The following ERH variants were observed in gnomAD, a reference collection of about 807,000 sequenced individuals.
The protein encoded by ERH is enhancer of rudimentary homolog.
A neutral mutation model predicts 16.8 loss-of-function variants in ERH; 1 was observed. That is an observed-to-expected ratio of 0.06 (90% CI 0.02 to 0.28). The LOEUF is 0.28. Ranked by LOEUF, ERH falls within the 10% of genes least tolerant of loss-of-function variation. The probability of loss-of-function intolerance (pLI) is 1.00; values close to 1 mark genes in which losing one functional copy is unlikely to be tolerated. For missense variants in ERH, 42 were observed against 127.5 expected, an observed-to-expected ratio of 0.33 and a Z score of 3.23; for synonymous variants, 43 against 43.6, an observed-to-expected ratio of 0.99 and a Z score of 0.05.
At chr14:69,383,002 C>T (rs2045872152) in intron 3 of ERH, among the ~76,000 whole-genome samples, 2 of 152,156 alleles carry the variant, frequency 1.3e-5, no homozygotes. Flanking sequence ...GCAGTGAAAT[C>T]AGAAATGTCT....
intron 2 of ERH, among the ~76,000 whole-genome samples, chr14:69,394,623 T>C (rs76175840): frequency 4.2e-5 from 5 of 119,140 alleles, no homozygotes; most frequent in African/African-American, 1.5e-4. Flanking sequence ...AACAAACAAA[T>C]AAATAAAATG....
chr14:69,386,936 A>G, intron 3 of ERH, 27 bp downstream of exon 3: 1 of 1,609,890 alleles, frequency 6.2e-7, no homozygotes, highest in Non-Finnish European at 8.5e-7. Context: ...AAAATACAAG[A>G]TAAAAGACAT....
intron 2 of ERH, among the ~76,000 whole-genome samples, chr14:69,388,699 C>T (rs1187661783): frequency 1.3e-5 from 2 of 152,142 alleles, no homozygotes; most frequent in Non-Finnish European, 2.9e-5. Context: ...AAGGAGAATA[C>T]ACCTTTTCAG....
chr14:69,385,970 A>G (rs922610135), intron 3 of ERH, among the ~76,000 whole-genome samples: 1 of 152,102 alleles, frequency 6.6e-6, no homozygotes, highest in African/African-American at 2.4e-5. Context: ...GACTTCAAAC[A>G]TGCTAGGCAC....
chr14:69,393,400 G>A (rs956343323), intron 2 of ERH, among the ~76,000 whole-genome samples: 2 of 152,102 alleles, frequency 1.3e-5, no homozygotes, highest in East Asian at 1.9e-4. Context: ...AATCAACTAC[G>A]TATCCATCAA....
At chr14:69,394,724 G>T in intron 2 of ERH, 101 bp downstream of exon 2, 1 of 667,168 alleles carries the variant, frequency 1.5e-6, no homozygotes, top group Admixed American at 2.8e-5. Flanking sequence ...ATAAAGGCAG[G>T]GCCTGGGGTG....
At chr14:69,387,695 C>CAAAAAAAAAAAAAA (rs57516317) in intron 2 of ERH, among the ~76,000 whole-genome samples, 7 of 113,356 alleles carry the variant, frequency 6.2e-5, no homozygotes, top group Non-Finnish European at 1.1e-4. Context: ...AGCCACAGAG[C>CAAAAAAAAAAAAAA]AAAAAAAAAA....
intron 2 of ERH, among the ~76,000 whole-genome samples, chr14:69,393,506 T>A (rs1489520875): frequency 6.6e-6 from 1 of 152,154 alleles, no homozygotes; most frequent in African/African-American, 2.4e-5. Flanking sequence ...TAAAACCATG[T>A]CTTTGCAGCA....
chr14:69,397,370 CAA>C (rs2140235954), intron 1 of ERH, among the ~76,000 whole-genome samples: 1 of 150,902 alleles, frequency 6.6e-6, no homozygotes, highest in Admixed American at 6.6e-5. Context: ...CCTCCAGCCC[CAA>C]GAGGATATAA....
intron 2 of ERH, among the ~76,000 whole-genome samples, chr14:69,390,258 T>C (rs904089085): frequency 3.6e-4 from 55 of 151,618 alleles, no homozygotes; most frequent in Non-Finnish European, 4.3e-4. Context: ...ACAGCCAAAA[T>C]AATCTTGAAA....
At chr14:69,395,273 G>C (rs193171914) in intron 1 of ERH, among the ~76,000 whole-genome samples, 6 of 152,030 alleles carry the variant, frequency 3.9e-5, no homozygotes, top group Admixed American at 6.6e-5. Context: ...CCATTGCATC[G>C]GAGAGTGAGG....
chr14:69,390,218 A>G lies in ERH; in HGVS notation c.92-3135T>C, dbSNP rs148008010. The stretch of plus-strand genomic sequence containing the variant: ...TGCAGAAACCAACAAGCTAATCCTA[A>G]GTTTGACACAGAAATGCAGGAGACC... On this transcript the variant is annotated intron_variant, in intron 2 of 3. Transcript: ENST00000557016. Among the ~76,000 whole-genome samples the G allele has an allele frequency of 1.8e-4, 27 of 151,912 alleles. No individual in the cohort carries two copies. In the East Asian group the frequency reaches 4.6e-3, roughly 26 times the overall value.
intron 2 of ERH, 83 bp downstream of exon 2, chr14:69,394,742 T>C: frequency 1.1e-6 from 1 of 874,536 alleles, no homozygotes; most frequent in Admixed American, 2.3e-5. Context: ...GTGGATGGAC[T>C]ATTAAAAAAA....
chr14:69,386,028 G>C (rs1444174549), intron 3 of ERH, among the ~76,000 whole-genome samples: 1 of 152,136 alleles, frequency 6.6e-6, no homozygotes. Context: ...CCCTCTGTCT[G>C]GTATGTTTTT....
intron 2 of ERH, among the ~76,000 whole-genome samples, chr14:69,388,788 C>T (rs1224078075): frequency 6.6e-6 from 1 of 152,162 alleles, no homozygotes; most frequent in African/African-American, 2.4e-5. Context: ...CTAGAAAAAA[C>T]ATGTCCTATA....
intron 3 of ERH, among the ~76,000 whole-genome samples, chr14:69,386,083 T>G (rs1020629056): frequency 6.6e-6 from 1 of 152,238 alleles, no homozygotes; most frequent in Non-Finnish European, 1.5e-5. Context: ...AACATTCATT[T>G]GAATGTTCTG....
intron 2 of ERH, among the ~76,000 whole-genome samples, chr14:69,391,654 C>T (rs1291629116): frequency 4.6e-5 from 1 of 21,944 alleles, no homozygotes; most frequent in Non-Finnish European, 9.7e-5. Context: ...TCTCGCACGC[C>T]AAAAAAAAAA....
intron 2 of ERH, among the ~76,000 whole-genome samples, 189 bp from the exon 3 acceptor site, chr14:69,387,272 C>T (rs2045898071): frequency 6.6e-6 from 1 of 152,144 alleles, no homozygotes; most frequent in African/African-American, 2.4e-5. Flanking sequence ...TATAAATTCA[C>T]CAGGTCAGGT....
chr14:69,396,136 C>T (rs1882326010), intron 1 of ERH, among the ~76,000 whole-genome samples: 1 of 152,246 alleles, frequency 6.6e-6, no homozygotes, highest in South Asian at 2.1e-4. Context: ...TATGATGCAA[C>T]TCCACTGTAA....
Sources: gnomAD v4.1 joint callset for allele counts (sites outside exome capture counted in the v4.1 genomes callset) on GRCh38, gnomAD v4.1.1 for gene constraint, MANE v1.5 for transcripts, NCBI Gene and HGNC (gene_info 2026-07-23, HGNC 2026-07-21) for gene names.